The following EFCAB10 variants were observed in gnomAD, a reference collection of about 807,000 sequenced individuals.
EFCAB10 encodes EF-hand calcium binding domain 10.
Under a neutral mutation model 7.7 loss-of-function variants are expected in EFCAB10, and 7 were observed. That is an observed-to-expected ratio of 0.91 (90% CI 0.52 to 1.72). The LOEUF (loss-of-function observed/expected upper bound fraction) is 1.72, where lower values mean the gene tolerates loss of function less well. Among genes scored for constraint, EFCAB10 ranks in the 40% most tolerant of loss-of-function variants. EFCAB10 has a pLI of 0.00. For synonymous variants in EFCAB10, 52 were observed against 21.0 expected (o/e 2.47, Z -4.03); for missense variants, 112 against 61.5 (o/e 1.82, Z -2.74).
intron 1 of EFCAB10, among the ~76,000 whole-genome samples, chr7:105,570,831 C>T (rs769171100): frequency 5.9e-5 from 9 of 152,028 alleles, no homozygotes; most frequent in African/African-American, 1.7e-4. Context: ...GAGACCATCC[C>T]GGCTAACACG....
intron 1 of EFCAB10, among the ~76,000 whole-genome samples, chr7:105,579,392 A>G (rs559830097): frequency 6.6e-6 from 1 of 152,290 alleles, no homozygotes; most frequent in South Asian, 2.1e-4. Flanking sequence ...TAATTACCCA[A>G]TGAATGCAAA....
intron 1 of EFCAB10, among the ~76,000 whole-genome samples, chr7:105,570,772 C>G (rs950108194): frequency 6.6e-6 from 1 of 152,078 alleles, no homozygotes; most frequent in African/African-American, 2.4e-5. Context: ...CGCCTGTAAT[C>G]CCAGCACTTT....
chr7:105,573,555 A>G (rs1029928051), intron 1 of EFCAB10: 2 of 152,220 alleles, frequency 1.3e-5, no homozygotes, highest in Non-Finnish European at 2.9e-5. Context: ...CAACATAAAT[A>G]TATATAATAA....
At chr7:105,572,662 C>T (rs1791979707) in intron 1 of EFCAB10, 1 of 152,204 alleles carries the variant, frequency 6.6e-6, no homozygotes, top group Admixed American at 6.5e-5. Context: ...GTTCCCTTTT[C>T]TCCACATCCT....
chr7:105,567,342 T>C, intron 4 of EFCAB10, 125 bp downstream of exon 4: 1 of 1,497,230 alleles, frequency 6.7e-7, no homozygotes, highest in Non-Finnish European at 9.1e-7. Flanking sequence ...CTTTGGTTTT[T>C]GTTTCTAAGA....
chr7:105,566,822 CTACCTAAAGTTA>C (rs1196163048), intron 4 of EFCAB10: 1 of 183,352 alleles, frequency 5.5e-6, no homozygotes, highest in Admixed American at 6.1e-5. Flanking sequence ...ATGTTCTAAT[CTACCTAAAGTTA>C]TAGCTATATT....
In EFCAB10 at chr7:105,565,157, G is replaced by A; in HGVS notation, c.*290C>T. The stretch of plus-strand genomic sequence containing the variant: ...CTGATAGAGCTTTTAATGTTAGGCT[G>A]TATATTTTTTCTTATCCAAAATGCC... On this transcript the variant is annotated 3_prime_UTR_variant, in exon 5 of 5. Coordinates refer to ENST00000480514, the MANE Select transcript of EFCAB10 (RefSeq NM_001355526.2). The A allele has an allele frequency of 1.4e-6, 1 of 696,466 alleles. No individual in the cohort carries two copies. The highest frequency in any genetic ancestry group is 2.3e-6 in the Non-Finnish European group (1 of 434,866). 43.1% of individuals were successfully genotyped at this position (696,466 alleles called of 1,614,324 possible).
rs1375222574 is a variant in EFCAB10 at position 105,581,460 on chromosome 7, C to G, written c.4G>C (p.Glu2Gln). The G allele has an allele frequency of 1.4e-6, 1 of 703,012 alleles. No homozygotes were observed. The highest frequency in any genetic ancestry group is 2.6e-6 in the Non-Finnish European group (1 of 385,000). 43.5% of individuals were successfully genotyped at this position (703,012 alleles called of 1,614,324 possible). Residue 2 changes from glutamate to glutamine, a missense_variant, in exon 1 of 5, where the codon GAG becomes CAG. Glu to Gln is a conservative substitution (Grantham distance 29, BLOSUM62 2). Transcript: ENST00000480514. The stretch of plus-strand genomic sequence containing the variant: ...GCTTGGAGCTCCCTGCTGCTGGTCT[C>G]CATCGCTCCGCGTCCCGCTGTTGCT... Reference protein sequence around the residue: METSSRELQAAE... With the variant: MQTSSRELQAAE...
chr7:105,567,119 T>C lies in EFCAB10; in HGVS notation c.383+348A>G, dbSNP rs928088575. ...TCCCTCCTTTGTTTTCCCTAAACAG[T>C]ATAAAAGAAGCCTGTATTGTTTTGA... On this transcript the variant is annotated intron_variant, in intron 4 of 4. Coordinates refer to ENST00000480514, the MANE Select transcript of EFCAB10 (RefSeq NM_001355526.2). The C allele has an allele frequency of 4.0e-5, 62 of 1,550,674 alleles. 1 individual carries two copies. In the East Asian group the frequency reaches 1.4e-3, roughly 35 times the overall value.
chr7:105,570,268 T>TAC lies in EFCAB10; in HGVS notation c.107-699_107-698dup, dbSNP rs1554369774. ...ATATATATATATATATATATATATATACACACACACACACATACATATACA... is the reference window on the plus strand; with the variant it reads ...ATATATATATATATATATATATATATACACACACACACACACATACATATACA... On this transcript the variant is annotated intron_variant, in intron 1 of 4. Transcript: ENST00000480514. Among the ~76,000 whole-genome samples the TAC allele has an allele frequency of 7.7e-3, 512 of 66,260 alleles. 26 individuals are homozygous for TAC. Among genetic ancestry groups the TAC allele is most frequent in the Middle Eastern group, 0.017 (2 of 118 alleles). The allele number at this position is 66,260 out of a possible 152,430, so 43.5% of individuals were successfully genotyped here.
At position 105,565,357 on chromosome 7, in the gene EFCAB10, G is replaced by C. The variant is rs746864752; in HGVS notation, c.*90C>G. On this transcript the variant is annotated 3_prime_UTR_variant, in exon 5 of 5. Transcript: ENST00000480514. ...GCTTGCCCGTTGCTGCTGACGTTAC[G>C]AGACCATTTACTTCAGTTGGAGCAG... is the stretch of plus-strand genomic sequence containing the variant. 1.2e-6 allele frequency: 2 copies of C among 1,614,166 alleles called. No individual in the cohort carries two copies. The highest frequency in any genetic ancestry group is 1.3e-5 in the African/African-American group (1 of 75,038).
intron 1 of EFCAB10, among the ~76,000 whole-genome samples, chr7:105,576,908 G>T (rs1792094443): frequency 6.6e-6 from 1 of 152,140 alleles, no homozygotes; most frequent in Non-Finnish European, 1.5e-5. Context: ...ACAAAAATTA[G>T]CTGGGCATGG....
At chr7:105,565,649 G>A (rs1331333764) in intron 4 of EFCAB10, 2 of 1,550,604 alleles carry the variant, frequency 1.3e-6, no homozygotes, top group Non-Finnish European at 1.8e-6. Context: ...ATTTTAAACA[G>A]TAAGCTCAAC....
chr7:105,570,081 G>A (rs1004237248), intron 1 of EFCAB10, among the ~76,000 whole-genome samples: 1 of 150,276 alleles, frequency 6.7e-6, no homozygotes, highest in Non-Finnish European at 1.5e-5. Flanking sequence ...AGGCGTGGTG[G>A]TGCATGCCTG....
intron 4 of EFCAB10, chr7:105,566,611 G>A (rs1242232522): frequency 6.6e-6 from 1 of 151,938 alleles, no homozygotes; most frequent in Non-Finnish European, 1.5e-5. Flanking sequence ...TTTCACTCCA[G>A]CCTAGGTGAC....
chr7:105,580,498 G>A (rs994840937), intron 1 of EFCAB10, among the ~76,000 whole-genome samples: 1 of 151,914 alleles, frequency 6.6e-6, no homozygotes, highest in African/African-American at 2.4e-5. Flanking sequence ...TTTTATTTTT[G>A]AGATAGGATC....
Position 105,570,247 on chromosome 7 carries a change from A to ATG in EFCAB10, c.107-677_107-676insCA, listed in dbSNP as rs1287080134. On this transcript the variant is annotated intron_variant, in intron 1 of 4. Coordinates refer to ENST00000480514, the MANE Select transcript of EFCAB10 (RefSeq NM_001355526.2). ...AAAAAAAAAAAAAAAAAAAATATAT[A>ATG]TATATATATATATATATATATACAC... Among the ~76,000 whole-genome samples the ATG allele has an allele frequency of 2.7e-5, 2 of 72,898 alleles. 1 individual carries two copies. Among genetic ancestry groups the ATG allele is most frequent in the Non-Finnish European group, 5.2e-5 (2 of 38,808 alleles). The allele number at this position is 72,898 out of a possible 152,430, so 47.8% of individuals were successfully genotyped here.
chr7:105,577,192 T>C (rs1383585443), intron 1 of EFCAB10, among the ~76,000 whole-genome samples: 1 of 152,274 alleles, frequency 6.6e-6, no homozygotes. Context: ...CTGCTTAGGT[T>C]CTTTTCCCCC....
intron 1 of EFCAB10, among the ~76,000 whole-genome samples, chr7:105,570,740 A>G (rs1302747579): frequency 6.6e-6 from 1 of 152,144 alleles, no homozygotes; most frequent in Non-Finnish European, 1.5e-5. Flanking sequence ...AAATTTAAGT[A>G]ACAGCTGGGC....
Sources: allele counts gnomAD v4.1 joint callset (sites outside exome capture counted in the v4.1 genomes callset), GRCh38; gene constraint gnomAD v4.1.1; transcripts MANE v1.5; gene names NCBI Gene and HGNC (gene_info 2026-07-23, HGNC 2026-07-21).